The following NOTCH2 variants were observed in gnomAD, a reference collection of about 807,000 sequenced individuals.
NOTCH2 encodes the protein notch receptor 2, also known as neurogenic locus notch homolog protein 2.
Under a neutral mutation model 235.8 loss-of-function variants are expected in NOTCH2, and 29 were observed. That is an observed-to-expected ratio of 0.12 (90% CI 0.09 to 0.17). The LOEUF (loss-of-function observed/expected upper bound fraction) is 0.17. Among genes scored for constraint, NOTCH2 ranks in the 10% least tolerant of loss-of-function variants. NOTCH2 has a pLI of 1.00. For missense variants in NOTCH2, 2,285 were observed against 3,150.2 expected (o/e 0.73, Z 6.57); for synonymous variants, 1,086 against 1,141.5 (o/e 0.95, Z 0.98).
At chr1:119,931,102 T>TA (rs79286766) in intron 22 of NOTCH2, among the ~76,000 whole-genome samples, 1,441 of 126,440 alleles carry the variant, frequency 0.011, 10 homozygotes, top group East Asian at 0.023. Context: ...GACTCTGTCT[T>TA]AAAAAAAAAA....
chr1:119,991,856 A>G (rs1460426769), intron 4 of NOTCH2, among the ~76,000 whole-genome samples: 4 of 133,750 alleles, frequency 3.0e-5, no homozygotes, highest in African/African-American at 1.0e-4. Flanking sequence ...AAAGAAAAGA[A>G]AAGAAAATGA....
intron 1 of NOTCH2, among the ~76,000 whole-genome samples, chr1:120,033,938 A>C (rs1654204155): frequency 6.6e-6 from 1 of 151,242 alleles, no homozygotes. Context: ...AAAGAAAAAT[A>C]ATCTTGAGAC....
intron 17 of NOTCH2, among the ~76,000 whole-genome samples, chr1:119,946,965 G>A (rs1327747399): frequency 2.0e-5 from 3 of 152,068 alleles, no homozygotes; most frequent in African/African-American, 7.2e-5. Flanking sequence ...CTAATAAGAA[G>A]TTAGTTTAGT....
intron 23 of NOTCH2, among the ~76,000 whole-genome samples, chr1:119,928,689 A>G (rs1553194739): frequency 6.6e-6 from 1 of 152,146 alleles, no homozygotes. Flanking sequence ...AAAAAATGTT[A>G]TTTTGTTCAA....
intron 5 of NOTCH2, among the ~76,000 whole-genome samples, chr1:119,975,548 A>C (rs1651542033): frequency 6.6e-6 from 1 of 151,408 alleles, no homozygotes; most frequent in Admixed American, 6.6e-5. Context: ...TGGGAGGCTG[A>C]GGCAGGAGAA....
chr1:120,014,335 C>T (rs587711904), intron 2 of NOTCH2, among the ~76,000 whole-genome samples: 2 of 152,258 alleles, frequency 1.3e-5, no homozygotes, highest in Non-Finnish European at 2.9e-5. Context: ...GAGGCCAAGG[C>T]AAGCAGATTG....
chr1:119,927,045 C>T (rs1484716437), intron 23 of NOTCH2, among the ~76,000 whole-genome samples: 4 of 152,168 alleles, frequency 2.6e-5, no homozygotes, highest in African/African-American at 4.8e-5. Flanking sequence ...TGGTGATTTG[C>T]GGTATAGAGA....
intron 21 of NOTCH2, 100 bp downstream of exon 21, chr1:119,937,182 T>C (rs921520731): frequency 2.5e-6 from 3 of 1,178,298 alleles, no homozygotes; most frequent in African/African-American, 1.5e-5. Flanking sequence ...CTATAAACTA[T>C]CAATATAAGA....
intron 1 of NOTCH2, among the ~76,000 whole-genome samples, chr1:120,039,093 C>A (rs2101359765): frequency 6.6e-6 from 1 of 151,998 alleles, no homozygotes; most frequent in Admixed American, 6.5e-5. Context: ...ACAATAAGCA[C>A]CAACGAGATC....
intron 5 of NOTCH2, among the ~76,000 whole-genome samples, chr1:119,985,546 G>A (rs1049506066): frequency 2.0e-5 from 3 of 152,136 alleles, no homozygotes; most frequent in African/African-American, 7.2e-5. Flanking sequence ...TTACAATGTT[G>A]TTTAATCTTC....
intron 2 of NOTCH2, among the ~76,000 whole-genome samples, chr1:120,010,340 G>A (rs1332134122): frequency 2.0e-5 from 3 of 151,978 alleles, no homozygotes; most frequent in Non-Finnish European, 4.4e-5. Context: ...ATCCAATTAA[G>A]TAATCATTTC....
intron 5 of NOTCH2, among the ~76,000 whole-genome samples, chr1:119,985,800 G>A (rs587598742): frequency 8.5e-5 from 13 of 152,210 alleles, no homozygotes; most frequent in South Asian, 4.1e-4. Flanking sequence ...AAAACTAGAA[G>A]AGACAATGTC....
intron 1 of NOTCH2, among the ~76,000 whole-genome samples, chr1:120,066,595 G>GCATA (rs1200580045): frequency 6.6e-6 from 1 of 151,710 alleles, no homozygotes; most frequent in Non-Finnish European, 1.5e-5. Context: ...AACCATCCAA[G>GCATA]CATATCCCAC....
At chr1:119,989,089 A>G (rs1652128916) in intron 4 of NOTCH2, among the ~76,000 whole-genome samples, 1 of 152,230 alleles carries the variant, frequency 6.6e-6, no homozygotes, top group South Asian at 2.1e-4. Context: ...TTTCATAGCT[A>G]AAAGCATGGC....
intron 3 of NOTCH2, among the ~76,000 whole-genome samples, chr1:120,001,241 T>C (rs779939768): frequency 2.2e-4 from 34 of 152,134 alleles, no homozygotes; most frequent in African/African-American, 7.7e-4. Context: ...ATACAGTAAA[T>C]TGGTACCAAG....
At chr1:120,009,094 T>C (rs1244140188) in intron 2 of NOTCH2, among the ~76,000 whole-genome samples, 1 of 151,954 alleles carries the variant, frequency 6.6e-6, no homozygotes, top group Non-Finnish European at 1.5e-5. Flanking sequence ...AACACATTCA[T>C]GAGAAAGGGA....
chr1:119,987,244 C>G (rs988817568), intron 4 of NOTCH2, among the ~76,000 whole-genome samples, 162 bp from the exon 5 acceptor site: 1 of 152,200 alleles, frequency 6.6e-6, no homozygotes, highest in East Asian at 1.9e-4. Flanking sequence ...AATTCTCTGT[C>G]TTCTCTGGCC....
At chr1:120,004,900 G>A (rs1652901671) in intron 3 of NOTCH2, among the ~76,000 whole-genome samples, 1 of 152,064 alleles carries the variant, frequency 6.6e-6, no homozygotes, top group Non-Finnish European at 1.5e-5. Context: ...AGCCTCCCAA[G>A]TAGTTAGGAC....
intron 5 of NOTCH2, among the ~76,000 whole-genome samples, chr1:119,973,106 T>C (rs1220679564): frequency 2.0e-5 from 3 of 152,222 alleles, no homozygotes; most frequent in Non-Finnish European, 2.9e-5. Flanking sequence ...TAGTGCTTGT[T>C]AGGGACAGGA....
Sources: allele counts gnomAD v4.1 joint callset (sites outside exome capture counted in the v4.1 genomes callset), GRCh38; gene constraint gnomAD v4.1.1; transcripts MANE v1.5; gene names NCBI Gene and HGNC (gene_info 2026-07-23, HGNC 2026-07-21).